Variants in EML5 observed in about 807,000 individuals in gnomAD.
EML5 encodes the protein EMAP like 5, also known as echinoderm microtubule-associated protein-like 5.
A neutral mutation model predicts 250.0 loss-of-function variants in EML5; 120 were observed. The observed-to-expected ratio is 0.48, with a 90% confidence interval of 0.41 to 0.56. The LOEUF is 0.56. Ranked by LOEUF, EML5 falls within the 20% of genes least tolerant of loss-of-function variation. The pLI is 0.00. For synonymous variants in EML5, 771 were observed against 806.5 expected (o/e 0.96, Z 0.75); for missense variants, 2,006 against 2,437.6 (o/e 0.82, Z 3.73).
chr14:88,770,448 C>T (rs1463368582), intron 1 of EML5, among the ~76,000 whole-genome samples: 1 of 151,862 alleles, frequency 6.6e-6, no homozygotes, highest in Non-Finnish European at 1.5e-5. Context: ...AGTTGTTTTT[C>T]ACATCATTTG....
rs1333784924 is a variant in EML5 at position 88,707,220 on chromosome 14, T to A, written c.1658-794A>T. Among the ~76,000 whole-genome samples the A allele has an allele frequency of 2.0e-5, 3 of 152,084 alleles. No homozygotes were observed. In the East Asian group the frequency reaches 5.8e-4, roughly 29 times the overall value. Reference sequence around the variant, plus strand: ...ATTTCTCCAATAATAAAGGAATCATTTAACTTTGTGGTTAATTTTCTTAAA... The same window carrying A: ...ATTTCTCCAATAATAAAGGAATCATATAACTTTGTGGTTAATTTTCTTAAA... On this transcript the variant is annotated intron_variant, in intron 10 of 43. Coordinates refer to ENST00000554922, the MANE Select transcript of EML5 (RefSeq NM_183387.3).
chr14:88,728,253 C>T (rs537812843), intron 7 of EML5, among the ~76,000 whole-genome samples: 12 of 151,698 alleles, frequency 7.9e-5, no homozygotes, highest in East Asian at 1.9e-4. Flanking sequence ...ACTATTTACA[C>T]GGCACTTACA....
chr14:88,744,853 C>T (rs1435353494), intron 3 of EML5, among the ~76,000 whole-genome samples: 2 of 152,018 alleles, frequency 1.3e-5, no homozygotes, highest in South Asian at 2.1e-4. Flanking sequence ...ATGTACACTT[C>T]ACATTTTGGT....
chr14:88,661,279 G>A (rs1166503026), intron 25 of EML5, among the ~76,000 whole-genome samples: 1 of 152,128 alleles, frequency 6.6e-6, no homozygotes, highest in African/African-American at 2.4e-5. Flanking sequence ...TTTGTAGAGA[G>A]GAAGTCTTGC....
Position 88,792,198 on chromosome 14 carries a change from T to G in EML5, c.197+109A>C. ...CCAGAGAGACAGCTGCGGATTCCCC[T>G]CGGGGTGATGCTCCGTGCAGGAGCG... On this transcript the variant is annotated intron_variant, in intron 1 of 43. Transcript: ENST00000554922. This position sits in a 1 kb window ranked among gnomAD's most constrained non-coding sequence, Gnocchi z 6.9. 1.2e-5 allele frequency: 16 copies of G among 1,338,080 alleles called. 2 individuals carry two copies. The South Asian group carries it at 2.2e-4, about 18-fold the overall frequency. The allele number at this position is 1,338,080 out of a possible 1,614,324, so 82.9% of individuals were successfully genotyped here.
chr14:88,633,877 C>A (rs1235924030), intron 33 of EML5, among the ~76,000 whole-genome samples: 2 of 152,146 alleles, frequency 1.3e-5, no homozygotes, highest in African/African-American at 4.8e-5. Context: ...TTCCAAAGCA[C>A]TGGGATTACA....
intron 28 of EML5, among the ~76,000 whole-genome samples, chr14:88,648,529 AT>A (rs1167167685): frequency 6.6e-6 from 1 of 151,486 alleles, no homozygotes; most frequent in Non-Finnish European, 1.5e-5. Context: ...AATTTTTAAA[AT>A]TTTTTTTGTA....
chr14:88,648,222 CAACT>C lies in EML5; in HGVS notation c.4020-1271_4020-1268del, dbSNP rs1160369143. Among the ~76,000 whole-genome samples, 19 of 152,210 alleles carry C rather than the reference CAACT, an allele frequency of 1.2e-4. No homozygotes were observed. In the Middle Eastern group the frequency reaches 0.01, roughly 82 times the overall value. ...AACAATCATTGTACAGCTTTGATGA[CAACT>C]AATCATCTAAACTCTGTATAAATAC... On this transcript the variant is annotated intron_variant, in intron 28 of 43. Transcript: ENST00000554922.
At chr14:88,754,744 G>C in intron 1 of EML5, 73 bp from the exon 2 acceptor site, 1 of 1,257,284 alleles carries the variant, frequency 8.0e-7, no homozygotes, top group South Asian at 1.3e-5. Flanking sequence ...TTTGGTAGAT[G>C]TAAAACACAT....
intron 28 of EML5, among the ~76,000 whole-genome samples, chr14:88,649,628 G>A (rs1391062148): frequency 2.0e-5 from 3 of 151,910 alleles, no homozygotes; most frequent in Non-Finnish European, 4.4e-5. Context: ...TTGTTTTTAC[G>A]AGCCTCTGAA....
chr14:88,755,307 T>C (rs1389395543), intron 1 of EML5, among the ~76,000 whole-genome samples: 1 of 152,214 alleles, frequency 6.6e-6, no homozygotes, highest in African/African-American at 2.4e-5. Context: ...CTTTTCCTCA[T>C]TTAGTATTCA....
At chr14:88,768,455 G>C (rs1174894189) in intron 1 of EML5, among the ~76,000 whole-genome samples, 1 of 151,664 alleles carries the variant, frequency 6.6e-6, no homozygotes, top group Non-Finnish European at 1.5e-5. Flanking sequence ...CTGTCACCCA[G>C]GCTGGAGTGC....
chr14:88,767,167 T>C (rs2140530253), intron 1 of EML5, among the ~76,000 whole-genome samples: 1 of 152,344 alleles, frequency 6.6e-6, no homozygotes, highest in Non-Finnish European at 1.5e-5. Flanking sequence ...CCAATTAGGT[T>C]CAAGGTACAT....
intron 31 of EML5, among the ~76,000 whole-genome samples, chr14:88,640,143 T>TTC (rs1428150381): frequency 0.014 from 2,169 of 152,266 alleles, 44 homozygotes; most frequent in African/African-American, 0.05. Context: ...ACTGATAGTG[T>TTC]TAGATCATCA....
chr14:88,773,732 C>G (rs549261582), intron 1 of EML5, among the ~76,000 whole-genome samples: 2 of 152,284 alleles, frequency 1.3e-5, no homozygotes, highest in African/African-American at 2.4e-5. Flanking sequence ...TTTCTTTTAA[C>G]TTTCTATTAA....
chr14:88,656,549 T>C (rs1807608222), intron 27 of EML5, among the ~76,000 whole-genome samples: 1 of 152,252 alleles, frequency 6.6e-6, no homozygotes, highest in Admixed American at 6.5e-5. Flanking sequence ...CAAACCACCA[T>C]GGCACATGTA....
In EML5 at chr14:88,688,341, C is replaced by T. The variant is rs759900762; in HGVS notation, c.2672G>A (p.Arg891Lys). The T allele has an allele frequency of 1.2e-6, 2 of 1,613,994 alleles. No individual in the cohort carries two copies. The highest frequency in any genetic ancestry group is 1.7e-6 in the Non-Finnish European group (2 of 1,179,888). Residue 891 changes from arginine to lysine, a missense_variant, in exon 18 of 44, where the codon AGA (arginine) becomes AAA (lysine). Arg to Lys is a conservative substitution (Grantham distance 26, BLOSUM62 2). This residue lies in a region of EML5 where 1,375 missense variants were observed against 1,590.3 expected (regional missense o/e 0.86). Transcript: ENST00000554922. ...GTSTGDVCIW[R>K]DIFLVKTVKA... ...CACTGTTTTTACAAGAAAGATGTCTCTCCAGATACACACATCTCCTGTGGA... is the reference window on the plus strand; with the variant it reads ...CACTGTTTTTACAAGAAAGATGTCTTTCCAGATACACACATCTCCTGTGGA...
At chr14:88,638,379 G>A (rs2090856559) in intron 32 of EML5, among the ~76,000 whole-genome samples, 1 of 152,116 alleles carries the variant, frequency 6.6e-6, no homozygotes, top group South Asian at 2.1e-4. Context: ...AAACAGACTT[G>A]GGTCCTCTCT....
chr14:88,709,415 T>G (rs1215397785), intron 10 of EML5, among the ~76,000 whole-genome samples: 1 of 151,988 alleles, frequency 6.6e-6, no homozygotes, highest in East Asian at 1.9e-4. Flanking sequence ...ATAAAAGAAA[T>G]AACCCAACAG....
Sources: allele counts gnomAD v4.1 joint callset (sites outside exome capture counted in the v4.1 genomes callset), GRCh38; gene constraint gnomAD v4.1.1; regional missense constraint gnomAD v4.1.1; non-coding constraint Gnocchi (gnomAD v3.1); transcripts MANE v1.5; gene names NCBI Gene and HGNC (gene_info 2026-07-23, HGNC 2026-07-21).